The following MCM6 variants were observed in gnomAD, a reference collection of about 807,000 sequenced individuals.
MCM6 encodes the protein DNA replication licensing factor MCM6.
Under a neutral mutation model 94.3 loss-of-function variants are expected in MCM6, and 46 were observed. The ratio of observed to expected loss-of-function variants is 0.49; its 90% CI spans 0.39 to 0.62. The LOEUF (loss-of-function observed/expected upper bound fraction) is 0.62. Among genes scored for constraint, MCM6 ranks in the 20% least tolerant of loss-of-function variants. MCM6 has a pLI of 0.00. For missense variants in MCM6, 865 were observed against 1,017.9 expected (o/e 0.85, Z 2.04); for synonymous variants, 335 against 351.9 (o/e 0.95, Z 0.54).
chr2:135,872,922 A>T, intron 1 of MCM6, 79 bp from the exon 2 acceptor site: 1 of 1,528,020 alleles, frequency 6.5e-7, no homozygotes, highest in Non-Finnish European at 8.9e-7. Context: ...AACATTGGTT[A>T]AAGTCCAACA....
intron 6 of MCM6, 131 bp from the exon 7 acceptor site, chr2:135,865,294 T>A (rs1558761696): frequency 2.6e-5 from 14 of 546,916 alleles, no homozygotes; most frequent in African/African-American, 5.9e-5. Flanking sequence ...TGTAAAGGTT[T>A]AAAAAAAAAC....
intron 4 of MCM6, among the ~76,000 whole-genome samples, chr2:135,867,723 T>C (rs1168991312): frequency 1.3e-5 from 2 of 152,046 alleles, no homozygotes; most frequent in African/African-American, 4.8e-5. Flanking sequence ...CTTATTCAGT[T>C]TGCTTTTAAA....
intron 10 of MCM6, 81 bp from the exon 11 acceptor site, chr2:135,856,964 A>G (rs917287186): frequency 1.5e-6 from 2 of 1,291,418 alleles, no homozygotes; most frequent in Non-Finnish European, 2.1e-6. Context: ...AATCTCACCC[A>G]TAATTAACTA....
chr2:135,847,696 T>C (rs1679697742), intron 14 of MCM6, among the ~76,000 whole-genome samples: 1 of 150,872 alleles, frequency 6.6e-6, no homozygotes, highest in African/African-American at 2.5e-5. Flanking sequence ...CCCAGGTAGC[T>C]GGGGCTACAG....
At chr2:135,841,835 T>C (rs972300742) in intron 16 of MCM6, among the ~76,000 whole-genome samples, 54 of 152,210 alleles carry the variant, frequency 3.5e-4, no homozygotes, top group African/African-American at 1.2e-3. Flanking sequence ...CTGAGCGCAG[T>C]AGCTCATGCC....
intron 10 of MCM6, among the ~76,000 whole-genome samples, chr2:135,857,543 T>C (rs1005294299): frequency 1.3e-5 from 2 of 152,174 alleles, no homozygotes; most frequent in African/African-American, 2.4e-5. Flanking sequence ...CTAGTGTTGG[T>C]TATACTGTCA....
At chr2:135,873,864 A>G (rs1680249042) in intron 1 of MCM6, among the ~76,000 whole-genome samples, 3 of 152,360 alleles carry the variant, frequency 2.0e-5, no homozygotes, top group Admixed American at 6.5e-5. Flanking sequence ...TATACATATA[A>G]AAGGTGGCGT....
In MCM6 at chr2:135,868,731, G is replaced by C. The variant is rs746653861; in HGVS notation, c.495C>G (p.Ile165Met). The C allele has an allele frequency of 6.2e-7, 1 of 1,614,142 alleles. No individual in the cohort carries two copies. Among genetic ancestry groups the C allele is most frequent in the Admixed American group, 1.7e-5 (1 of 60,024 alleles). The change falls in exon 4 of 17, where the codon ATC becomes ATG. Residue 165 changes from isoleucine (I) to methionine (M), a missense_variant. Transcript: ENST00000264156. ...TFLCLDCQTVIRDVEQQFKYT... is the reference protein window; with the variant it reads ...TFLCLDCQTVMRDVEQQFKYT... ...ATTTGAACTGCTGTTCTACATCCCT[G>C]ATCACTGTCTGACAGTCCAAGCACA...
In MCM6 at chr2:135,862,515, G is replaced by T. The variant is rs923351131; in HGVS notation, c.1220+92C>A. The T allele has an allele frequency of 6.8e-6, 9 of 1,324,116 alleles. No homozygotes were observed. The East Asian group carries it at 1.6e-4, about 24-fold the overall frequency. The allele number at this position is 1,324,116 out of a possible 1,614,324, so 82.0% of individuals were successfully genotyped here. Reference sequence around the variant, plus strand: ...AACATAGTCATAATTTACACTCCTAGTAAGGCCATACTGACTGCATTCTTG... The same window carrying T: ...AACATAGTCATAATTTACACTCCTATTAAGGCCATACTGACTGCATTCTTG... On this transcript the variant is annotated intron_variant, in intron 8 of 16. Coordinates refer to ENST00000264156, the MANE Select transcript of MCM6 (RefSeq NM_005915.6).
intron 14 of MCM6, 92 bp from the exon 15 acceptor site, chr2:135,846,484 T>C (rs1679673082): frequency 9.9e-7 from 1 of 1,007,456 alleles, no homozygotes; most frequent in Non-Finnish European, 1.5e-6. Flanking sequence ...CATTTAATAC[T>C]GATTTTTTTC....
At chr2:135,858,886 G>GT (rs1679938390) in intron 9 of MCM6, among the ~76,000 whole-genome samples, 1 of 104,334 alleles carries the variant, frequency 9.6e-6, no homozygotes, top group Non-Finnish European at 3.0e-5. Context: ...AAGAATGCTG[G>GT]GTTTTTTTTG....
Position 135,846,257 on chromosome 2 carries a change from T to C in MCM6, c.2189A>G (p.His730Arg). 6.2e-7 allele frequency: 1 copy of C among 1,614,002 alleles called. No individual in the cohort carries two copies. Among genetic ancestry groups the C allele is most frequent in the South Asian group, 1.1e-5 (1 of 91,074 alleles). The change falls in exon 15 of 17, where the codon CAC becomes CGC. Residue 730 changes from histidine (H) to arginine (R), a missense_variant. By Grantham distance (29) the His-to-Arg change is conservative. This residue lies in a region of MCM6 where 308 missense variants were observed against 324.5 expected (regional missense o/e 0.95). Transcript: ENST00000264156. ...CTCACCTTCTTCCACCTTTCTGAGG[T>C]GAAGCACAATAAGGTTAGAGATTCG... ...YCRISNLIVL[H>R]LRKVEEEEDE...
chr2:135,850,859 C>T (rs924130937), intron 13 of MCM6, among the ~76,000 whole-genome samples: 2 of 152,266 alleles, frequency 1.3e-5, no homozygotes, highest in South Asian at 2.1e-4. Flanking sequence ...TTTTCAAAGA[C>T]GACCTTACAT....
chr2:135,852,605 A>T (rs1283944810), intron 12 of MCM6, among the ~76,000 whole-genome samples, 182 bp downstream of exon 12: 1 of 152,072 alleles, frequency 6.6e-6, no homozygotes, highest in East Asian at 1.9e-4. Flanking sequence ...AATTTTTTTT[A>T]CAGTTCCCTT....
Position 135,852,842 on chromosome 2 carries a change from T to A in MCM6, c.1700A>T (p.Tyr567Phe). Residue 567 changes from tyrosine (Y) to phenylalanine (F), a missense_variant, in exon 12 of 17, where the codon TAT (tyrosine) becomes TTT (phenylalanine). Around this residue, in one of 3 missense-constraint regions of MCM6, gnomAD observed 308 missense variants for 324.5 expected, o/e 0.95. Transcript: ENST00000264156. ...ATATCTTCTGATATCATCGAGGGAA[T>A]AGACACGATCAATTGATTCCTCAAT... is the stretch of plus-strand genomic sequence containing the variant. ...SRIEESIDRV[Y>F]SLDDIRRYLL... 1.2e-6 allele frequency: 2 copies of A among 1,611,340 alleles called. No individual in the cohort carries two copies. Among genetic ancestry groups the A allele is most frequent in the Non-Finnish European group, 1.7e-6 (2 of 1,178,624 alleles).
intron 8 of MCM6, among the ~76,000 whole-genome samples, chr2:135,859,975 T>A (rs192880660): frequency 3.2e-4 from 48 of 152,100 alleles, no homozygotes; most frequent in African/African-American, 1.1e-3. Context: ...GGCTAATTTT[T>A]GTATTTTTAG....
chr2:135,867,149 C>T (rs1223924556), intron 4 of MCM6, among the ~76,000 whole-genome samples: 1 of 152,142 alleles, frequency 6.6e-6, no homozygotes, highest in Admixed American at 6.5e-5. Context: ...TTTACAGATA[C>T]ATGTTTTTTT....
intron 3 of MCM6, among the ~76,000 whole-genome samples, chr2:135,869,703 A>C (rs1332799089): frequency 2.0e-5 from 3 of 152,186 alleles, no homozygotes; most frequent in African/African-American, 7.2e-5. Flanking sequence ...TTAAACCAAC[A>C]AAAATTTCCA....
Position 135,852,935 on chromosome 2 carries a change from T to C in MCM6, c.1627-20A>G. ...TGTAACCTAATTCAAAACAAAAAAA[T>C]CACTTTGATAGTCACAGCAATATCT... On this transcript the variant is annotated intron_variant, in intron 11 of 16. Transcript: ENST00000264156. The C allele has an allele frequency of 1.9e-6, 3 of 1,577,586 alleles. No homozygotes were observed. Among genetic ancestry groups the C allele is most frequent in the Non-Finnish European group, 2.6e-6 (3 of 1,165,684 alleles).
Sources: allele counts gnomAD v4.1 joint callset (sites outside exome capture counted in the v4.1 genomes callset), GRCh38; gene constraint gnomAD v4.1.1; regional missense constraint gnomAD v4.1.1; transcripts MANE v1.5; gene names NCBI Gene and HGNC (gene_info 2026-07-23, HGNC 2026-07-21).